MAG: variants seen among roughly 807,000 people sequenced by gnomAD.
MAG encodes the protein myelin associated glycoprotein.
MAG carries 30 observed loss-of-function variants against 60.7 expected under a neutral mutation model. The observed-to-expected ratio is 0.49, with a 90% confidence interval of 0.37 to 0.67. The LOEUF is 0.67. Ranked by LOEUF, MAG falls within the 30% of genes least tolerant of loss-of-function variation. The probability of loss-of-function intolerance (pLI) is 0.00; values close to 1 mark genes in which losing one functional copy is unlikely to be tolerated. For missense variants in MAG, 795 were observed against 851.7 expected (o/e 0.93, Z 0.83); for synonymous variants, 384 against 376.8 (o/e 1.02, Z -0.22).
intron 10 of MAG, chr19:35,312,469 T>C (rs1336827593): frequency 1.0e-5 from 7 of 679,064 alleles, no homozygotes; most frequent in Middle Eastern, 3.2e-4. Flanking sequence ...CCTTGTCTAG[T>C]CTGTCCTGTT....
rs764814466 is a variant in MAG at position 35,295,476 on chromosome 19, G to A, written c.46+22G>A. The A allele has an allele frequency of 6.2e-7, 1 of 1,613,938 alleles. No individual in the cohort carries two copies. The highest frequency in any genetic ancestry group is 8.5e-7 in the Non-Finnish European group (1 of 1,179,972). Reference sequence around the variant, plus strand: ...TCAGGTAACGGCTGACAGGTGCTGGGGACCTAAAGGCTTTGGCCCCTGAGC... The same window carrying A: ...TCAGGTAACGGCTGACAGGTGCTGGAGACCTAAAGGCTTTGGCCCCTGAGC... On this transcript the variant is annotated intron_variant, in intron 3 of 10. Coordinates refer to ENST00000392213, the MANE Select transcript of MAG (RefSeq NM_002361.4). This position sits in a 1 kb window ranked among gnomAD's most constrained non-coding sequence, Gnocchi z 5.8.
At position 35,313,625 on chromosome 19, in the gene MAG, T is replaced by C; in HGVS notation, c.*171T>C. The C allele has an allele frequency of 1.6e-6, 1 of 612,634 alleles. No homozygotes were observed. The allele number at this position is 612,634 out of a possible 1,614,324, so 37.9% of individuals were successfully genotyped here. ...CCTCCCCCTCCTTCCCAGCTGCCCC[T>C]CCCTGCCAGCACCCCCACGCCCTCA... On this transcript the variant is annotated 3_prime_UTR_variant, in exon 11 of 11. Transcript: ENST00000392213.
intron 5 of MAG, 43 bp from the exon 6 acceptor site, chr19:35,300,104 C>G: frequency 1.3e-6 from 2 of 1,496,978 alleles, no homozygotes; most frequent in Non-Finnish European, 8.9e-7. Context: ...TGGGCCGGTT[C>G]CCCAGCACCT....
chr19:35,302,377 T>A, intron 6 of MAG, 71 bp from the exon 7 acceptor site: 1 of 1,580,260 alleles, frequency 6.3e-7, no homozygotes, highest in Non-Finnish European at 8.6e-7. Context: ...GGGTCATATC[T>A]GGGGATGGTA....
At position 35,293,041 on chromosome 19, in the gene MAG, C is replaced by T. The variant is rs906842294; in HGVS notation, c.-80+837C>T. ...GCTGAGGTTGATTTGGCCCCCATCCCGAGAACTTGTTTTCCCCGCTGTTAA... is the reference window on the plus strand; with the variant it reads ...GCTGAGGTTGATTTGGCCCCCATCCTGAGAACTTGTTTTCCCCGCTGTTAA... On this transcript the variant is annotated intron_variant, in intron 1 of 10. Coordinates refer to ENST00000392213, the MANE Select transcript of MAG (RefSeq NM_002361.4). This position sits in a 1 kb window ranked among gnomAD's most constrained non-coding sequence, Gnocchi z 4.0. 6.6e-6 allele frequency among the ~76,000 whole-genome samples: 1 copy of T among 152,178 alleles called. No homozygotes were observed. The highest frequency in any genetic ancestry group is 2.4e-5 in the African/African-American group (1 of 41,446).
At chr19:35,297,914 A>T (rs770117427) in intron 4 of MAG, among the ~76,000 whole-genome samples, 2 of 140,468 alleles carry the variant, frequency 1.4e-5, no homozygotes, top group Non-Finnish European at 3.1e-5. Context: ...CACTACAAAA[A>T]CCACACATCA....
rs966249527 is a variant in MAG, at chr19:35,293,248, CTT to C, written c.-79-985_-79-984del. On this transcript the variant is annotated intron_variant, in intron 1 of 10. Coordinates refer to ENST00000392213, the MANE Select transcript of MAG (RefSeq NM_002361.4). The surrounding 1 kb of genome is among the most constrained non-coding windows in gnomAD (Gnocchi z 4.0). ...AGTGTGTGTGTGCAGTTCCTTGCAT[CTT>C]TGTTAGCCTGGCATGCATGCTGGGC... 1.3e-5 allele frequency among the ~76,000 whole-genome samples: 2 copies of C among 150,736 alleles called. No individual in the cohort carries two copies. Among genetic ancestry groups the C allele is most frequent in the African/African-American group, 4.9e-5 (2 of 40,790 alleles).
intron 2 of MAG, among the ~76,000 whole-genome samples, chr19:35,294,669 A>C (rs2066382661): frequency 6.6e-6 from 1 of 152,130 alleles, no homozygotes; most frequent in African/African-American, 2.4e-5. Context: ...TAATCCCAAC[A>C]CTTTGGGAGG....
At chr19:35,309,036 T>G (rs1180365980) in intron 7 of MAG, among the ~76,000 whole-genome samples, 1 of 152,200 alleles carries the variant, frequency 6.6e-6, no homozygotes, top group African/African-American at 2.4e-5. Flanking sequence ...AGGAGGGTTT[T>G]GAGCAGAGAG....
chr19:35,299,864 C>CGGGCGGGGCG lies in MAG; in HGVS notation c.712+18_712+27dup, dbSNP rs1320853228. 1.0e-5 allele frequency: 3 copies of CGGGCGGGGCG among 297,510 alleles called. No individual in the cohort carries two copies. Among genetic ancestry groups the CGGGCGGGGCG allele is most frequent in the Non-Finnish European group, 4.2e-6 (1 of 239,854 alleles). 18.4% of individuals were successfully genotyped at this position (297,510 alleles called of 1,614,324 possible). ...TGGACGTCAAGTGTGAGCCTGGGTG[C>CGGGCGGGGCG]GGGCGGGGCGGGGTGGGGCGGGGTG... On this transcript the variant is annotated intron_variant, in intron 5 of 10. Coordinates refer to ENST00000392213, the MANE Select transcript of MAG (RefSeq NM_002361.4).
intron 9 of MAG, among the ~76,000 whole-genome samples, chr19:35,311,209 C>T (rs1328072340): frequency 2.0e-5 from 3 of 152,108 alleles, no homozygotes; most frequent in African/African-American, 7.2e-5. Context: ...GTGGCACACA[C>T]TGTAGTCCCA....
At position 35,313,422 on chromosome 19, in the gene MAG, C is replaced by G. The variant is rs368498070; in HGVS notation, c.1849C>G (p.Leu617Val). 68 of 1,613,594 alleles carry G rather than the reference C, an allele frequency of 4.2e-5. No homozygotes were observed. Among genetic ancestry groups the G allele is most frequent in the Non-Finnish European group, 5.8e-5 (68 of 1,179,806 alleles). ...GGACAGCTACACGCTGACGGAGGAG[C>G]TAGCTGAGTATGCTGAAATCCGGGT... Reference protein sequence around the residue: ...TKDSYTLTEELAEYAEIRVK With the variant: ...TKDSYTLTEEVAEYAEIRVK Residue 617 changes from leucine (L) to valine (V), a missense_variant, in exon 11 of 11, where the codon CTA becomes GTA. Coordinates refer to ENST00000392213, the MANE Select transcript of MAG (RefSeq NM_002361.4).
At chr19:35,308,500 G>A (rs2066501345) in intron 7 of MAG, among the ~76,000 whole-genome samples, 1 of 152,222 alleles carries the variant, frequency 6.6e-6, no homozygotes, top group African/African-American at 2.4e-5. Flanking sequence ...GGGAGGCCAA[G>A]GCAGGAGGAT....
In MAG at chr19:35,295,119, T is replaced by C. The variant is rs2066385963; in HGVS notation, c.-23-267T>C. 6.6e-6 allele frequency among the ~76,000 whole-genome samples: 1 copy of C among 152,030 alleles called. No individual in the cohort carries two copies. The highest frequency in any genetic ancestry group is 1.5e-5 in the Non-Finnish European group (1 of 68,000). On this transcript the variant is annotated intron_variant, in intron 2 of 10. Coordinates refer to ENST00000392213, the MANE Select transcript of MAG (RefSeq NM_002361.4). This position sits in a 1 kb window ranked among gnomAD's most constrained non-coding sequence, Gnocchi z 5.8. ...TCCACAAAAAAGAAGAAAAATTAAC[T>C]GGGTGTGGGGTGGCGCATACCAGAA...
chr19:35,294,103 C>G, intron 1 of MAG, 132 bp from the exon 2 acceptor site: 1 of 242,636 alleles, frequency 4.1e-6, no homozygotes, highest in Non-Finnish European at 7.5e-6. Flanking sequence ...TGGGAGGGTC[C>G]CAGGCACAAT....
intron 9 of MAG, among the ~76,000 whole-genome samples, 155 bp from the exon 10 acceptor site, chr19:35,311,763 G>A (rs1392081060): frequency 6.6e-6 from 1 of 152,228 alleles, no homozygotes; most frequent in Non-Finnish European, 1.5e-5. Flanking sequence ...AGGATGGGCT[G>A]TGTGGGTAGG....
chr19:35,299,790 C>G lies in MAG; in HGVS notation c.652C>G (p.Gln218Glu), dbSNP rs201508876. The G allele has an allele frequency of 4.5e-6, 7 of 1,543,090 alleles. No homozygotes were observed. The African/African-American group carries it at 8.3e-5, about 18-fold the overall frequency. The change falls in exon 5 of 11, where the codon CAG becomes GAG. Residue 218 changes from glutamine to glutamate, a missense_variant. Coordinates refer to ENST00000392213, the MANE Select transcript of MAG (RefSeq NM_002361.4). ...REANGHRLGC[Q>E]ASFPNTTLQF... ...GGCCAACGGCCACAGGCTGGGCTGC[C>G]AGGCCTCCTTCCCCAACACCACCCT...
In MAG at chr19:35,311,959, A is replaced by C; in HGVS notation, c.1658A>C (p.Asn553Thr). ...AGCCCCAGCTTCTCGGCAGGGGACA[A>C]CCCTCCCGTCCTGTTCAGCAGCGAC... ...TESPSFSAGD[N>T]PPVLFSSDFR... is the part of the protein sequence containing the mutation. Residue 553 changes from asparagine (N) to threonine (T), a missense_variant, in exon 10 of 11, where the codon AAC becomes ACC. Coordinates refer to ENST00000392213, the MANE Select transcript of MAG (RefSeq NM_002361.4). 6.2e-7 allele frequency: 1 copy of C among 1,613,256 alleles called. No homozygotes were observed. Among genetic ancestry groups the C allele is most frequent in the Admixed American group, 1.7e-5 (1 of 59,950 alleles).
intron 7 of MAG, 74 bp downstream of exon 7, chr19:35,302,782 A>G: frequency 6.4e-7 from 1 of 1,557,228 alleles, no homozygotes; most frequent in Non-Finnish European, 8.7e-7. Context: ...GTGGGTGCCC[A>G]CGCATCCCAA....
Sources: gnomAD v4.1 joint callset for allele counts (sites outside exome capture counted in the v4.1 genomes callset) on GRCh38, gnomAD v4.1.1 for gene constraint, Gnocchi (gnomAD v3.1) non-coding constraint, MANE v1.5 for transcripts, NCBI Gene and HGNC (gene_info 2026-07-23, HGNC 2026-07-21) for gene names.